Variants in METTL23 observed in about 807,000 individuals in gnomAD.
METTL23 encodes the protein methyltransferase 23, arginine.
Under a neutral mutation model 21.2 loss-of-function variants are expected in METTL23, and 24 were observed. The observed-to-expected ratio is 1.13, with a 90% CI of 0.82 to 1.59. METTL23 has a LOEUF of 1.59. METTL23 is among the 40% of genes most tolerant of loss of function. The probability of loss-of-function intolerance (pLI) is 0.00; values close to 1 mark genes in which losing one functional copy is unlikely to be tolerated. For synonymous variants in METTL23, 97 were observed against 75.2 expected (o/e 1.29, Z -1.50); for missense variants, 276 against 221.4 (o/e 1.25, Z -1.57).
upstream of METTL23, chr17:76,726,480 CG>C: frequency 6.3e-7 from 1 of 1,590,026 alleles, no homozygotes; most frequent in African/African-American, 1.4e-5. Context: ...GTTCATTCTG[CG>C]GGGTCGCCAG....
rs369753822 is a variant in METTL23, at chr17:76,733,020, T to C, written c.127T>C (p.Cys43Arg). ...VSLPGILAAK[C>R]GAEVILSDSS... ...CCTTCCAGGAATTTTGGCTGCCAAA[T>C]GTGGTGCAGAAGTAATACTGTCAGA... Residue 43 changes from cysteine (C) to arginine (R), a missense_variant, in exon 3 of 5, where the codon TGT (cysteine) becomes CGT (arginine). Physicochemically the swap from Cys to Arg is radical, Grantham distance 180. Coordinates refer to ENST00000341249, the MANE Select transcript of METTL23 (RefSeq NM_001080510.5). 22 of 1,594,354 alleles carry C rather than the reference T, an allele frequency of 1.4e-5. No homozygotes were observed. The highest frequency in any genetic ancestry group is 1.7e-5 in the Non-Finnish European group (20 of 1,169,534).
At chr17:76,730,404 AC>A (rs1235359411) in intron 2 of METTL23, among the ~76,000 whole-genome samples, 1 of 152,102 alleles carries the variant, frequency 6.6e-6, no homozygotes, top group East Asian at 1.9e-4. Context: ...GGAGTTTGAT[AC>A]CAGCCTGGTC....
intron 4 of METTL23, 46 bp downstream of exon 4, chr17:76,733,423 C>T (rs2077323781): frequency 1.9e-6 from 3 of 1,603,186 alleles, no homozygotes; most frequent in East Asian, 2.2e-5. Flanking sequence ...TTAAGCCTTA[C>T]TCTACCCTAC....
chr17:76,732,423 G>A (rs2077251852), intron 2 of METTL23, among the ~76,000 whole-genome samples: 1 of 152,058 alleles, frequency 6.6e-6, no homozygotes, highest in South Asian at 2.1e-4. Context: ...GCTTGAACCC[G>A]GGAGGCGGGG....
In METTL23 at chr17:76,726,959, C is replaced by T. The variant is rs1156803166; in HGVS notation, c.-241C>T. On this transcript the variant is annotated 5_prime_UTR_variant, in exon 1 of 5. Coordinates refer to ENST00000341249, the MANE Select transcript of METTL23 (RefSeq NM_001080510.5). ...ATCACCAGATCTGGGCTTTCCCCTTCTTGCCGTCAGGTGCTACGGCCACGT... is the reference window on the plus strand; with the variant it reads ...ATCACCAGATCTGGGCTTTCCCCTTTTTGCCGTCAGGTGCTACGGCCACGT... 1 of 456,794 alleles carries T rather than the reference C, an allele frequency of 2.2e-6. No individual in the cohort carries two copies. The highest frequency in any genetic ancestry group is 6.9e-5 in the East Asian group (1 of 14,400). The allele number at this position is 456,794 out of a possible 1,614,324, so 28.3% of individuals were successfully genotyped here.
At chr17:76,727,397 C>T in intron 1 of METTL23, 1 of 307,730 alleles carries the variant, frequency 3.2e-6, no homozygotes, top group Non-Finnish European at 6.4e-6. Context: ...TGACCCTGGT[C>T]ACTATGTTGG....
intron 1 of METTL23, among the ~76,000 whole-genome samples, chr17:76,727,609 CT>C (rs888207932): frequency 6.6e-6 from 1 of 152,262 alleles, no homozygotes; most frequent in Non-Finnish European, 1.5e-5. Flanking sequence ...TTATCTCTCA[CT>C]TTTGTGTGAG....
At position 76,732,819 on chromosome 17, in the gene METTL23, TTATAG is replaced by T. The variant is rs1320782158; in HGVS notation, c.85-156_85-152del. ...CATAAGGAATGTACTTTTGTCATGT[TTATAG>T]TAATGTTCAGTTACGGTACATTTTA... On this transcript the variant is annotated intron_variant, in intron 2 of 4. Coordinates refer to ENST00000341249, the MANE Select transcript of METTL23 (RefSeq NM_001080510.5). 4.0e-5 allele frequency: 26 copies of T among 643,760 alleles called. 1 individual carries two copies. Among genetic ancestry groups the T allele is most frequent in the South Asian group, 3.9e-4 (20 of 51,850 alleles). The allele number at this position is 643,760 out of a possible 1,614,324, so 39.9% of individuals were successfully genotyped here.
At chr17:76,726,680 C>T, upstream of METTL23, 1 of 638,632 alleles carries the variant, frequency 1.6e-6, no homozygotes. Flanking sequence ...CGCCGTCTTC[C>T]CCGCCCCGAC....
upstream of METTL23, chr17:76,726,824 G>A (rs923735982): frequency 2.4e-5 from 9 of 372,638 alleles, no homozygotes; most frequent in Middle Eastern, 6.4e-4. Context: ...CTCCCGCGCT[G>A]CCGCTGTGCC....
intron 2 of METTL23, 183 bp from the exon 3 acceptor site, chr17:76,732,795 A>G (rs1012166129): frequency 3.3e-6 from 2 of 613,446 alleles, no homozygotes; most frequent in East Asian, 2.8e-5. Flanking sequence ...GAGTAGATTC[A>G]TAAGGAATGT....
chr17:76,733,226 T>C lies in METTL23; in HGVS notation c.322+11T>C. ...TCTTTGAACCAGAAGGTAAGCTTTT[T>C]TGGCTCAATAGTACATTTGGCCAGT... On this transcript the variant is annotated intron_variant, in intron 3 of 4. Coordinates refer to ENST00000341249, the MANE Select transcript of METTL23 (RefSeq NM_001080510.5). The C allele has an allele frequency of 6.2e-7, 1 of 1,613,394 alleles. No homozygotes were observed. The highest frequency in any genetic ancestry group is 1.1e-5 in the South Asian group (1 of 91,028).
chr17:76,733,467 C>A, intron 4 of METTL23, 54 bp from the exon 5 acceptor site: 1 of 1,599,400 alleles, frequency 6.3e-7, no homozygotes, highest in Non-Finnish European at 8.5e-7. Context: ...TAGAATACAT[C>A]TGAAGCAAAA....
intron 1 of METTL23, 83 bp from the exon 2 acceptor site, chr17:76,729,607 A>G: frequency 1.1e-6 from 1 of 931,094 alleles, no homozygotes; most frequent in Non-Finnish European, 1.7e-6. Context: ...AATGGATGCC[A>G]ATGCCTGACA....
At position 76,733,501 on chromosome 17, in the gene METTL23, A is replaced by G; in HGVS notation, c.408-20A>G. 1 of 1,600,628 alleles carries G rather than the reference A, an allele frequency of 6.2e-7. No homozygotes were observed. Among genetic ancestry groups the G allele is most frequent in the Non-Finnish European group, 8.5e-7 (1 of 1,174,826 alleles). ...AACAGAAAAGGCATGACTTTAAAAG[A>G]ACAACTTTTTTTTTTTAAGTGCTGA... On this transcript the variant is annotated intron_variant, in intron 4 of 4. Transcript: ENST00000341249.
chr17:76,726,603 C>T (rs578030912), upstream of METTL23: 2 of 1,304,420 alleles, frequency 1.5e-6, no homozygotes, highest in East Asian at 2.7e-5. Context: ...GTCCCGGCGC[C>T]TTTAAAGTCG....
At chr17:76,726,677 T>A, upstream of METTL23, 1 of 653,744 alleles carries the variant, frequency 1.5e-6, no homozygotes, top group Non-Finnish European at 2.5e-6. Flanking sequence ...GGCCGCCGTC[T>A]TCCCCGCCCC....
In METTL23 at chr17:76,732,959, A is replaced by G. The variant is rs1003238816; in HGVS notation, c.85-19A>G. 2 of 1,541,770 alleles carry G rather than the reference A, an allele frequency of 1.3e-6. No homozygotes were observed. The highest frequency in any genetic ancestry group is 4.8e-5 in the East Asian group (2 of 41,362). On this transcript the variant is annotated intron_variant, in intron 2 of 4. Transcript: ENST00000341249. Reference sequence around the variant, plus strand: ...GTTCCAAGTATAATTGTGAAATGCCATCTTTCATAACTTATTAGATTGGAG... The same window carrying G: ...GTTCCAAGTATAATTGTGAAATGCCGTCTTTCATAACTTATTAGATTGGAG...
At chr17:76,732,268 C>T (rs1247732423) in intron 2 of METTL23, among the ~76,000 whole-genome samples, 7 of 151,790 alleles carry the variant, frequency 4.6e-5, no homozygotes, top group South Asian at 4.2e-4. Context: ...TTTGGGAGGC[C>T]GAGACAGGTG....
Sources: allele counts gnomAD v4.1 joint callset (sites outside exome capture counted in the v4.1 genomes callset), GRCh38; gene constraint gnomAD v4.1.1; transcripts MANE v1.5; gene names NCBI Gene and HGNC (gene_info 2026-07-23, HGNC 2026-07-21).